PARP1: variants seen among roughly 807,000 people sequenced by gnomAD.
The protein encoded by PARP1 is poly [ADP-ribose] polymerase 1.
A neutral mutation model predicts 118.7 loss-of-function variants in PARP1; 44 were observed. That is an observed-to-expected ratio of 0.37 (90% CI 0.29 to 0.48). PARP1 has a LOEUF of 0.48. Ranked by LOEUF, PARP1 falls within the 20% of genes least tolerant of loss-of-function variation. PARP1 has a pLI of 0.99. For missense variants in PARP1, 1,100 were observed against 1,272.4 expected (o/e 0.86, Z 2.06); for synonymous variants, 492 against 483.2 (o/e 1.02, Z -0.24).
intron 2 of PARP1, among the ~76,000 whole-genome samples, chr1:226,393,930 A>G (rs952257333): frequency 1.3e-5 from 2 of 152,258 alleles, no homozygotes; most frequent in African/African-American, 4.8e-5. Flanking sequence ...TTAGTGAAAG[A>G]TGAAACTTTA....
intron 2 of PARP1, among the ~76,000 whole-genome samples, chr1:226,399,735 G>A (rs1448376821): frequency 6.6e-6 from 1 of 152,218 alleles, no homozygotes; most frequent in Non-Finnish European, 1.5e-5. Flanking sequence ...CGATAACGAT[G>A]TGTCAATGTA....
At chr1:226,400,144 C>T (rs1036338055) in intron 2 of PARP1, among the ~76,000 whole-genome samples, 4 of 151,954 alleles carry the variant, frequency 2.6e-5, no homozygotes, top group African/African-American at 9.7e-5. Context: ...AGCCAATAAA[C>T]AAAGTACAAA....
At chr1:226,403,151 T>A (rs541445592) in intron 1 of PARP1, among the ~76,000 whole-genome samples, 3 of 152,326 alleles carry the variant, frequency 2.0e-5, no homozygotes, top group African/African-American at 7.2e-5. Context: ...ACTAGGCCTT[T>A]CATTGTGACA....
At chr1:226,373,819 G>T (rs186338255) in intron 14 of PARP1, among the ~76,000 whole-genome samples, 156 of 152,256 alleles carry the variant, frequency 1.0e-3, no homozygotes, top group Non-Finnish European at 1.7e-3. Flanking sequence ...TGAAGAAGGG[G>T]AAAAATACAA....
Position 226,386,313 on chromosome 1 carries a change from A to G in PARP1, c.834+13T>C. On this transcript the variant is annotated intron_variant, in intron 6 of 22. Coordinates refer to ENST00000366794, the MANE Select transcript of PARP1 (RefSeq NM_001618.4). ...CTCACATGCGTGTCCCACTTAACAC[A>G]AAGGCAGCTCACCGCCGACTCCCCA... The G allele has an allele frequency of 6.5e-7, 1 of 1,539,018 alleles. No homozygotes were observed. Among genetic ancestry groups the G allele is most frequent in the Non-Finnish European group, 9.0e-7 (1 of 1,111,520 alleles).
rs1165531868 is a variant in PARP1 at position 226,390,498 on chromosome 1, T to C, written c.529A>G (p.Ser177Gly). 1.2e-6 allele frequency: 2 copies of C among 1,614,202 alleles called. No homozygotes were observed. The highest frequency in any genetic ancestry group is 4.5e-5 in the East Asian group (2 of 44,890). Residue 177 changes from serine (S) to glycine (G), a missense_variant, in exon 4 of 23, where the codon AGT becomes GGT. Physicochemically the swap from Ser to Gly is moderately conservative, Grantham distance 56. Coordinates refer to ENST00000366794, the MANE Select transcript of PARP1 (RefSeq NM_001618.4). ...REELGFRPEY[S>G]ASQLKGFSLL... ...CTGAAGCCCTTGAGCTGACTCGCAC[T>C]GTACTCGGGCCGGAAACCCAGCTCC...
chr1:226,370,298 G>A (rs532708589), intron 15 of PARP1, 136 bp downstream of exon 15: 108 of 746,650 alleles, frequency 1.4e-4, no homozygotes, highest in East Asian at 1.3e-3. Context: ...GAAAAAAATC[G>A]AAACCCTCGT....
Position 226,388,666 on chromosome 1 carries a change from T to C in PARP1, c.707A>G (p.Lys236Arg), listed in dbSNP as rs776514767. 6.2e-7 allele frequency: 1 copy of C among 1,611,654 alleles called. No individual in the cohort carries two copies. The change falls in exon 5 of 23, where the codon AAA becomes AGA. Residue 236 changes from lysine to arginine, a missense_variant. By Grantham distance (26) the Lys-to-Arg change is conservative. Coordinates refer to ENST00000366794, the MANE Select transcript of PARP1 (RefSeq NM_001618.4). ...KEKDKDSKLE[K>R]ALKAQNDLIW... ...GAGCTGAGAACTCACCTTTAGGGCT[T>C]TTTCAAGCTTACTATCCTTGTCTTT...
At chr1:226,366,842 C>G (rs1664277079) in intron 17 of PARP1, 1 of 163,416 alleles carries the variant, frequency 6.1e-6, no homozygotes, top group Non-Finnish European at 1.3e-5. Flanking sequence ...TCAACATACT[C>G]TCGCCCACCC....
At chr1:226,362,272 G>GC in intron 21 of PARP1, 189 bp from the exon 22 acceptor site, 1 of 550,682 alleles carries the variant, frequency 1.8e-6, no homozygotes, top group Admixed American at 3.0e-5. Flanking sequence ...TGCAACCTCC[G>GC]CCTCCCGGAT....
chr1:226,387,281 G>A (rs940752479), intron 5 of PARP1, among the ~76,000 whole-genome samples: 3 of 152,208 alleles, frequency 2.0e-5, no homozygotes, highest in Non-Finnish European at 2.9e-5. Context: ...CACTGCACCC[G>A]GCCTCATCTC....
At position 226,408,027 on chromosome 1, in the gene PARP1, C is replaced by A. The variant is rs575416223; in HGVS notation, c.-98G>T. ...TCGCGTGCGCTCACCCAGCCGCAGG[C>A]GCCTGAGCGGCCAGAGCCGCCACCG... On this transcript the variant is annotated 5_prime_UTR_variant, in exon 1 of 23. Coordinates refer to ENST00000366794, the MANE Select transcript of PARP1 (RefSeq NM_001618.4). The A allele has an allele frequency of 1.9e-6, 3 of 1,566,204 alleles. No homozygotes were observed. The highest frequency in any genetic ancestry group is 2.3e-5 in the South Asian group (2 of 88,814).
chr1:226,385,775 C>T, intron 6 of PARP1, 95 bp from the exon 7 acceptor site: 1 of 1,123,050 alleles, frequency 8.9e-7, no homozygotes, highest in Non-Finnish European at 1.3e-6. Flanking sequence ...ACAGATTCCA[C>T]TCACTACAAA....
chr1:226,370,163 G>C (rs1664350565), intron 15 of PARP1, among the ~76,000 whole-genome samples: 2 of 152,032 alleles, frequency 1.3e-5, no homozygotes, highest in Admixed American at 1.3e-4. Context: ...TTTTAACAGA[G>C]AGGGTAACCA....
rs187041817 is a variant in PARP1 at position 226,363,988 on chromosome 1, T to C, written c.2741A>G (p.Asp914Gly). 6.2e-6 allele frequency: 10 copies of C among 1,613,920 alleles called. No individual in the cohort carries two copies. In the East Asian group the frequency reaches 2.2e-4, roughly 36 times the overall value. Residue 914 changes from aspartate (D) to glycine (G), a missense_variant, in exon 20 of 23, where the codon GAC becomes GGC. Asp to Gly is a moderately conservative substitution (Grantham distance 94). Coordinates refer to ENST00000366794, the MANE Select transcript of PARP1 (RefSeq NM_001618.4). ...TCCCAACAGGATTAAGCCTATTGGG[T>C]CTCCCTGAGACGTATGGCAGTAGTT... ...SANYCHTSQG[D>G]PIGLILLGEV...
chr1:226,386,572 G>A (rs2102739091), intron 5 of PARP1, 130 bp from the exon 6 acceptor site: 1 of 763,938 alleles, frequency 1.3e-6, no homozygotes, highest in East Asian at 2.5e-5. Context: ...CTGCAAATCT[G>A]GGTGATTAGC....
intron 2 of PARP1, among the ~76,000 whole-genome samples, chr1:226,397,140 T>G (rs1170446175): frequency 1.5e-5 from 2 of 133,080 alleles, no homozygotes; most frequent in African/African-American, 6.1e-5. Context: ...ACAGTGAGAC[T>G]CTGTCTCTAT....
chr1:226,378,604 T>C (rs540104984), intron 12 of PARP1, among the ~76,000 whole-genome samples: 1 of 152,184 alleles, frequency 6.6e-6, no homozygotes, highest in East Asian at 1.9e-4. Flanking sequence ...TCCCAGCACT[T>C]TGAGAGGCTG....
At chr1:226,375,324 C>T (rs1664467297) in intron 13 of PARP1, among the ~76,000 whole-genome samples, 1 of 152,158 alleles carries the variant, frequency 6.6e-6, no homozygotes, top group Non-Finnish European at 1.5e-5. Context: ...TACCTTATGA[C>T]CCAGTACCTA....
Sources: allele counts gnomAD v4.1 joint callset (sites outside exome capture counted in the v4.1 genomes callset), GRCh38; gene constraint gnomAD v4.1.1; transcripts MANE v1.5; gene names NCBI Gene and HGNC (gene_info 2026-07-23, HGNC 2026-07-21).